The following CEP55 variants were observed in gnomAD, a reference collection of about 807,000 sequenced individuals.
CEP55 encodes centrosomal protein 55.
CEP55 carries 57 observed loss-of-function variants against 63.2 expected under a neutral mutation model. The observed-to-expected ratio is 0.90, with a 90% confidence interval of 0.73 to 1.13. CEP55 has a LOEUF of 1.13. Ranked by LOEUF, CEP55 falls within the 50% of genes most tolerant of loss-of-function variation. CEP55 has a pLI of 0.00. For missense variants in CEP55, 456 were observed against 518.9 expected, an observed-to-expected ratio of 0.88 and a Z score of 1.18; for synonymous variants, 178 against 191.6, an observed-to-expected ratio of 0.93 and a Z score of 0.59.
At chr10:93,518,624 C>T (rs1480885813) in intron 6 of CEP55, among the ~76,000 whole-genome samples, 1 of 152,218 alleles carries the variant, frequency 6.6e-6, no homozygotes, top group Non-Finnish European at 1.5e-5. Context: ...GGGGGCATGG[C>T]TGCTGCAGAG....
At chr10:93,503,498 G>A (rs2057656406) in intron 3 of CEP55, 110 bp downstream of exon 3, 1 of 1,059,432 alleles carries the variant, frequency 9.4e-7, no homozygotes, top group Non-Finnish European at 1.4e-6. Flanking sequence ...TGAGACAAAT[G>A]ATTAGTATAG....
In CEP55 at chr10:93,516,996, T is replaced by G; in HGVS notation, c.741T>G (p.Asp247Glu). 6.2e-7 allele frequency: 1 copy of G among 1,607,592 alleles called. No homozygotes were observed. Among genetic ancestry groups the G allele is most frequent in the Non-Finnish European group, 8.5e-7 (1 of 1,175,464 alleles). ...ATCTCTTGGCAAGTGCAAAAAAAGATCTTGAGGTTGAACGACAAACCATAA... is the reference window on the plus strand; with the variant it reads ...ATCTCTTGGCAAGTGCAAAAAAAGAGCTTGAGGTTGAACGACAAACCATAA... ...YNDLLASAKK[D>E]LEVERQTITQ... Residue 247 changes from aspartate (D) to glutamate (E), a missense_variant, in exon 6 of 9, where the codon GAT becomes GAG. Asp to Glu is a conservative substitution (Grantham distance 45). Transcript: ENST00000371485.
chr10:93,510,170 T>C lies in CEP55; in HGVS notation c.528+3114T>C, dbSNP rs546954414. On this transcript the variant is annotated intron_variant, in intron 4 of 8. Coordinates refer to ENST00000371485, the MANE Select transcript of CEP55 (RefSeq NM_018131.5). ...CGTAGAGTTAATGTCGTAAGCATTG[T>C]CAAATGTCAGTACTTTTAGTATTTA... Among the ~76,000 whole-genome samples, 3 of 152,372 alleles carry C rather than the reference T, an allele frequency of 2.0e-5. No homozygotes were observed. The South Asian group carries it at 6.2e-4, about 32-fold the overall frequency.
chr10:93,500,154 G>C lies in CEP55; in HGVS notation c.103G>C (p.Ala35Pro). ...TTLEKLKGEIAHLKTSVDEIT... is the reference protein window; with the variant it reads ...TTLEKLKGEIPHLKTSVDEIT... ...ATTAGAAAAATTAAAGGGAGAAATT[G>C]CACACTTAAAGACATCAGTGGATGA... Residue 35 changes from alanine to proline, a missense_variant, in exon 2 of 9, where the codon GCA becomes CCA. Coordinates refer to ENST00000371485, the MANE Select transcript of CEP55 (RefSeq NM_018131.5). 4 of 1,613,726 alleles carry C rather than the reference G, an allele frequency of 2.5e-6. No individual in the cohort carries two copies. The highest frequency in any genetic ancestry group is 3.4e-6 in the Non-Finnish European group (4 of 1,179,744).
intron 8 of CEP55, among the ~76,000 whole-genome samples, chr10:93,521,233 G>T (rs907469907): frequency 6.6e-6 from 1 of 152,118 alleles, no homozygotes; most frequent in South Asian, 2.1e-4. Flanking sequence ...TGGAAAATCA[G>T]GTCATTCCCA....
Position 93,516,996 on chromosome 10 carries a change from T to A in CEP55, c.741T>A (p.Asp247Glu). Reference protein sequence around the residue: ...YNDLLASAKKDLEVERQTITQ... With the variant: ...YNDLLASAKKELEVERQTITQ... ...ATCTCTTGGCAAGTGCAAAAAAAGA[T>A]CTTGAGGTTGAACGACAAACCATAA... Residue 247 changes from aspartate to glutamate, a missense_variant, in exon 6 of 9, where the codon GAT (aspartate) becomes GAA (glutamate). Asp to Glu is a conservative substitution (Grantham distance 45, BLOSUM62 2). Coordinates refer to ENST00000371485, the MANE Select transcript of CEP55 (RefSeq NM_018131.5). 1.2e-6 allele frequency: 2 copies of A among 1,607,592 alleles called. No individual in the cohort carries two copies. The highest frequency in any genetic ancestry group is 1.1e-5 in the South Asian group (1 of 90,242).
intron 2 of CEP55, 72 bp downstream of exon 2, chr10:93,500,306 C>T: frequency 2.4e-6 from 3 of 1,226,974 alleles, no homozygotes; most frequent in Non-Finnish European, 2.3e-6. Context: ...CCTGATGCTA[C>T]CTTCTTACTC....
intron 4 of CEP55, among the ~76,000 whole-genome samples, chr10:93,510,000 C>A (rs2057728115): frequency 6.6e-6 from 1 of 152,188 alleles, no homozygotes; most frequent in African/African-American, 2.4e-5. Flanking sequence ...TTCGCAGAAA[C>A]TTCCTGTAGA....
chr10:93,519,621 C>T (rs2057837114), intron 7 of CEP55, 61 bp from the exon 8 acceptor site: 1 of 1,551,614 alleles, frequency 6.4e-7, no homozygotes, highest in Non-Finnish European at 8.7e-7. Context: ...TGTGAGCATC[C>T]AGTCAAGAGA....
intron 4 of CEP55, among the ~76,000 whole-genome samples, chr10:93,512,554 T>A (rs2057764636): frequency 6.6e-6 from 1 of 152,022 alleles, no homozygotes; most frequent in South Asian, 2.1e-4. Flanking sequence ...GACCATTTAA[T>A]TTTGACTTAA....
chr10:93,499,518 C>CTTT (rs528933732), intron 1 of CEP55, among the ~76,000 whole-genome samples: 16 of 120,622 alleles, frequency 1.3e-4, no homozygotes, highest in South Asian at 2.6e-4. Flanking sequence ...TACAAGTTGA[C>CTTT]TTTTTTTTTT....
intron 8 of CEP55, among the ~76,000 whole-genome samples, chr10:93,521,125 C>G (rs567696181): frequency 2.6e-5 from 4 of 152,154 alleles, no homozygotes; most frequent in African/African-American, 9.6e-5. Flanking sequence ...GCGCACCGAG[C>G]GTGAACCGAA....
At position 93,528,730 on chromosome 10, in the gene CEP55, G is replaced by C. The variant is rs2049528780; in HGVS notation, c.*577G>C. On this transcript the variant is annotated 3_prime_UTR_variant, in exon 9 of 9. Coordinates refer to ENST00000371485, the MANE Select transcript of CEP55 (RefSeq NM_018131.5). The stretch of plus-strand genomic sequence containing the variant: ...TAACCCAGCTGTGTTCCCCAACTCT[G>C]TTCTGCGCACGAAACAGTATCTGTT... 2 of 152,678 alleles carry C rather than the reference G, an allele frequency of 1.3e-5. No individual in the cohort carries two copies. The highest frequency in any genetic ancestry group is 2.9e-5 in the Non-Finnish European group (2 of 68,554). 9.5% of individuals were successfully genotyped at this position (152,678 alleles called of 1,614,324 possible).
At chr10:93,515,641 T>A in intron 5 of CEP55, 86 bp downstream of exon 5, 2 of 1,347,802 alleles carry the variant, frequency 1.5e-6, no homozygotes, top group Non-Finnish European at 2.0e-6. Context: ...TTTTTATAGA[T>A]ATGTGTTAGA....
chr10:93,508,981 A>T (rs1383314754), intron 4 of CEP55, among the ~76,000 whole-genome samples: 1 of 152,210 alleles, frequency 6.6e-6, no homozygotes, highest in East Asian at 1.9e-4. Flanking sequence ...GTACATTGCT[A>T]TATCCTCAGT....
chr10:93,497,841 G>C (rs1480305443), intron 1 of CEP55, among the ~76,000 whole-genome samples: 1 of 151,876 alleles, frequency 6.6e-6, no homozygotes, highest in Non-Finnish European at 1.5e-5. Context: ...AAAGGTGGCC[G>C]GGCGCGGTGG....
chr10:93,523,792 A>G (rs1248824759), intron 8 of CEP55, among the ~76,000 whole-genome samples: 1 of 152,210 alleles, frequency 6.6e-6, no homozygotes, highest in Non-Finnish European at 1.5e-5. Flanking sequence ...AACTCACTCA[A>G]AACCGCTCAA....
chr10:93,525,657 G>A (rs2057914398), intron 8 of CEP55, among the ~76,000 whole-genome samples: 1 of 151,758 alleles, frequency 6.6e-6, no homozygotes, highest in Non-Finnish European at 1.5e-5. Flanking sequence ...GAACAAAGCT[G>A]GAGGCATCAC....
chr10:93,500,094 G>A lies in CEP55; in HGVS notation c.43G>A (p.Gly15Arg), dbSNP rs906393624. Residue 15 changes from glycine (G) to arginine (R), a missense_variant, in exon 2 of 9, where the codon GGA becomes AGA. Gly to Arg is a moderately radical substitution (Grantham distance 125, BLOSUM62 -2). Transcript: ENST00000371485. ...STKDLIKSKW[G>R]SKPSNSKSET... ...CAAAGATTTAATTAAAAGTAAGTGG[G>A]GATCGAAGCCTAGTAACTCCAAATC... is the stretch of plus-strand genomic sequence containing the variant. 21 of 1,612,604 alleles carry A rather than the reference G, an allele frequency of 1.3e-5. No homozygotes were observed. The highest frequency in any genetic ancestry group is 1.7e-5 in the Non-Finnish European group (20 of 1,179,424).
Sources: allele counts gnomAD v4.1 joint callset (sites outside exome capture counted in the v4.1 genomes callset), GRCh38; gene constraint gnomAD v4.1.1; transcripts MANE v1.5; gene names NCBI Gene and HGNC (gene_info 2026-07-23, HGNC 2026-07-21).